The following LGR4 variants were observed in gnomAD, a reference collection of about 807,000 sequenced individuals.
LGR4 encodes leucine rich repeat containing G protein-coupled receptor 4.
Under a neutral mutation model 84.8 loss-of-function variants are expected in LGR4, and 44 were observed. That is an observed-to-expected ratio of 0.52 (90% confidence interval 0.41 to 0.67). The LOEUF is 0.67. Among genes scored for constraint, LGR4 ranks in the 30% least tolerant of loss-of-function variants. LGR4 has a pLI of 0.00. For missense variants in LGR4, 1,032 were observed against 1,131.4 expected (o/e 0.91, Z 1.26); for synonymous variants, 429 against 434.3 (o/e 0.99, Z 0.15).
intron 1 of LGR4, among the ~76,000 whole-genome samples, chr11:27,417,058 T>G (rs1565086032): frequency 6.6e-6 from 1 of 152,176 alleles, no homozygotes; most frequent in Non-Finnish European, 1.5e-5. Flanking sequence ...CACAGAATTA[T>G]TTAATTTTAA....
At chr11:27,405,201 A>T (rs948244907) in intron 2 of LGR4, among the ~76,000 whole-genome samples, 2 of 152,116 alleles carry the variant, frequency 1.3e-5, no homozygotes, top group Non-Finnish European at 2.9e-5. Context: ...CTTTCTCACT[A>T]GTCATGGGCA....
intron 1 of LGR4, among the ~76,000 whole-genome samples, chr11:27,469,558 AC>A (rs1231894490): frequency 6.6e-6 from 1 of 151,772 alleles, no homozygotes; most frequent in African/African-American, 2.4e-5. Flanking sequence ...AGTGAAATGC[AC>A]CCCCCACCCC....
intron 6 of LGR4, among the ~76,000 whole-genome samples, 180 bp from the exon 7 acceptor site, chr11:27,382,436 A>G (rs934529227): frequency 1.1e-5 from 1 of 93,990 alleles, no homozygotes; most frequent in African/African-American, 2.8e-5. Context: ...CTTTTCTTAC[A>G]ATAATGAATA....
At chr11:27,434,405 G>A (rs1194653281) in intron 1 of LGR4, among the ~76,000 whole-genome samples, 1 of 152,192 alleles carries the variant, frequency 6.6e-6, no homozygotes, top group East Asian at 1.9e-4. Context: ...GTTTAATATA[G>A]CTTAGTGTTT....
intron 1 of LGR4, among the ~76,000 whole-genome samples, chr11:27,439,969 G>A (rs1239804488): frequency 7.0e-6 from 1 of 143,560 alleles, no homozygotes; most frequent in Non-Finnish European, 1.5e-5. Flanking sequence ...GCAGTGGCAC[G>A]ATCTCAGCTC....
Position 27,382,306 on chromosome 11 carries a change from A to G in LGR4, c.690-50T>C, listed in dbSNP as rs184490909. 9.3e-6 allele frequency: 11 copies of G among 1,188,154 alleles called. No homozygotes were observed. In the Admixed American group the frequency reaches 1.9e-4, roughly 21 times the overall value. The allele number at this position is 1,188,154 out of a possible 1,614,324, so 73.6% of individuals were successfully genotyped here. On this transcript the variant is annotated intron_variant, in intron 6 of 17. Transcript: ENST00000379214. ...ATCAAAATATTAAATAGTGGTCATAATTCATAAGGCATTTTGTTACAGACA... is the reference window on the plus strand; with the variant it reads ...ATCAAAATATTAAATAGTGGTCATAGTTCATAAGGCATTTTGTTACAGACA...
chr11:27,467,866 A>C (rs1440940843), intron 1 of LGR4, among the ~76,000 whole-genome samples: 1 of 152,230 alleles, frequency 6.6e-6, no homozygotes, highest in Non-Finnish European at 1.5e-5. Context: ...TGTTTTGAAC[A>C]AAGTTCACTT....
intron 1 of LGR4, among the ~76,000 whole-genome samples, chr11:27,452,078 C>T (rs1342942864): frequency 2.0e-5 from 3 of 152,162 alleles, no homozygotes; most frequent in Non-Finnish European, 4.4e-5. Context: ...GTTATGCTCT[C>T]AGGGAGCAAA....
intron 2 of LGR4, among the ~76,000 whole-genome samples, chr11:27,411,839 G>C (rs1485219564): frequency 6.6e-6 from 1 of 152,070 alleles, no homozygotes; most frequent in South Asian, 2.1e-4. Context: ...TTCTCTAGGG[G>C]AGTGGCCGAG....
chr11:27,366,927 T>G lies in LGR4; in HGVS notation c.*940A>C, dbSNP rs1862774783. ...GTTTCGTCTAATTAAATGCAAGTAT[T>G]GACCACAGTTTACTTTCTATATAAT... On this transcript the variant is annotated 3_prime_UTR_variant, in exon 18 of 18. Transcript: ENST00000379214. 6.6e-6 allele frequency: 1 copy of G among 152,168 alleles called. No individual in the cohort carries two copies. The highest frequency in any genetic ancestry group is 1.9e-4 in the East Asian group (1 of 5,204). The allele number at this position is 152,168 out of a possible 1,614,324, so 9.4% of individuals were successfully genotyped here. A position where few individuals can be genotyped will look rare whatever the true frequency, so the allele number is the denominator to read the frequency against.
chr11:27,443,744 A>G (rs1412414517), intron 1 of LGR4, among the ~76,000 whole-genome samples: 2 of 152,226 alleles, frequency 1.3e-5, no homozygotes, highest in Non-Finnish European at 2.9e-5. Flanking sequence ...GTTTTCTACC[A>G]GAGTTCTATA....
chr11:27,414,289 A>G (rs1011658205), intron 1 of LGR4, among the ~76,000 whole-genome samples: 1 of 152,046 alleles, frequency 6.6e-6, no homozygotes, highest in African/African-American at 2.4e-5. Flanking sequence ...TAAAACAAAT[A>G]CTTGAGTCCC....
intron 1 of LGR4, among the ~76,000 whole-genome samples, chr11:27,451,237 A>G (rs1864475879): frequency 1.3e-5 from 2 of 152,220 alleles, no homozygotes; most frequent in African/African-American, 4.8e-5. Flanking sequence ...GTTTGGAACC[A>G]TAACTTCAGA....
At chr11:27,372,810 G>T (rs775514441) in intron 15 of LGR4, among the ~76,000 whole-genome samples, 1 of 152,018 alleles carries the variant, frequency 6.6e-6, no homozygotes, top group Non-Finnish European at 1.5e-5. Flanking sequence ...ATATTTACTT[G>T]GTTTAAATAA....
At position 27,373,955 on chromosome 11, in the gene LGR4, C is replaced by T; in HGVS notation, c.1253+20G>A. On this transcript the variant is annotated intron_variant, in intron 14 of 17. Coordinates refer to ENST00000379214, the MANE Select transcript of LGR4 (RefSeq NM_018490.5). ...ACTAGTTACTACTTTCATGACATTACTGCATAATCATCCACTTACAGGTTA... is the reference window on the plus strand; with the variant it reads ...ACTAGTTACTACTTTCATGACATTATTGCATAATCATCCACTTACAGGTTA... 1 of 1,531,796 alleles carries T rather than the reference C, an allele frequency of 6.5e-7. No homozygotes were observed. Among genetic ancestry groups the T allele is most frequent in the South Asian group, 1.1e-5 (1 of 89,324 alleles). 94.9% of individuals were successfully genotyped at this position (1,531,796 alleles called of 1,614,324 possible).
At chr11:27,412,717 C>G in intron 2 of LGR4, 72 bp downstream of exon 2, 1 of 914,974 alleles carries the variant, frequency 1.1e-6, no homozygotes, top group Non-Finnish European at 1.8e-6. Flanking sequence ...ATCAGACTTT[C>G]TCTGTAGCAA....
chr11:27,440,645 TTG>T (rs148457719), intron 1 of LGR4, among the ~76,000 whole-genome samples: 22,460 of 152,154 alleles, frequency 0.15, 2,116 homozygotes, highest in Non-Finnish European at 0.21. Context: ...ATTTGTAACT[TTG>T]TTCCCACAAA....
chr11:27,452,000 T>G (rs1864489628), intron 1 of LGR4, among the ~76,000 whole-genome samples: 1 of 152,170 alleles, frequency 6.6e-6, no homozygotes, highest in Non-Finnish European at 1.5e-5. Flanking sequence ...AATGTGGGCA[T>G]GAAGCTGGGG....
At chr11:27,376,459 G>A in intron 12 of LGR4, 89 bp from the exon 13 acceptor site, 1 of 593,594 alleles carries the variant, frequency 1.7e-6, no homozygotes, top group African/African-American at 1.9e-5. Context: ...TAGAGAAAAA[G>A]AAAAAAGTTA....
Sources: gnomAD v4.1 joint callset for allele counts (sites outside exome capture counted in the v4.1 genomes callset) on GRCh38, gnomAD v4.1.1 for gene constraint, MANE v1.5 for transcripts, NCBI Gene and HGNC (gene_info 2026-07-23, HGNC 2026-07-21) for gene names.